CCDC136: variants seen among roughly 807,000 people sequenced by gnomAD.
CCDC136 encodes the protein coiled-coil domain-containing protein 136.
CCDC136 carries 100 observed loss-of-function variants against 141.2 expected under a neutral mutation model. The observed-to-expected ratio is 0.71, with a 90% CI of 0.60 to 0.84. The LOEUF (loss-of-function observed/expected upper bound fraction) is 0.84, where lower values mean the gene tolerates loss of function less well. CCDC136 is among the 40% of genes least tolerant of loss of function. The pLI is 0.00. For synonymous variants in CCDC136, 474 were observed against 531.9 expected, an observed-to-expected ratio of 0.89 and a Z score of 1.50; for missense variants, 1,206 against 1,379.4, an observed-to-expected ratio of 0.87 and a Z score of 1.99.
At chr7:128,796,722 A>AATATAT (rs149502865) in intron 3 of CCDC136, among the ~76,000 whole-genome samples, 12 of 120,724 alleles carry the variant, frequency 9.9e-5, no homozygotes, top group African/African-American at 4.3e-4. Flanking sequence ...GATGATTCAG[A>AATATAT]ATATATATAT....
chr7:128,794,133 A>G lies in CCDC136; in HGVS notation c.17-215A>G. 1 of 650,032 alleles carries G rather than the reference A, an allele frequency of 1.5e-6. No individual in the cohort carries two copies. 40.3% of individuals were successfully genotyped at this position (650,032 alleles called of 1,614,324 possible). A position where few individuals can be genotyped will look rare whatever the true frequency, so the allele number is the denominator to read the frequency against. On this transcript the variant is annotated intron_variant, in intron 1 of 17. Coordinates refer to ENST00000297788, the MANE Select transcript of CCDC136 (RefSeq NM_022742.5). The surrounding 1 kb of genome is among the most constrained non-coding windows in gnomAD (Gnocchi z 4.3). Reference sequence around the variant, plus strand: ...AGGCTACCAAGTGCAACATTGGTCCAGGAAGGGCCTGGGAGGTGGAGGGGC... The same window carrying G: ...AGGCTACCAAGTGCAACATTGGTCCGGGAAGGGCCTGGGAGGTGGAGGGGC...
chr7:128,806,206 A>G, intron 7 of CCDC136, 31 bp from the exon 8 acceptor site: 1 of 1,512,056 alleles, frequency 6.6e-7, no homozygotes, highest in Non-Finnish European at 8.9e-7. Context: ...TCTTGAGAGT[A>G]ACTGTTCTAC....
At chr7:128,816,617 C>A (rs1806678085) in intron 16 of CCDC136, among the ~76,000 whole-genome samples, 1 of 152,106 alleles carries the variant, frequency 6.6e-6, no homozygotes, top group African/African-American at 2.4e-5. Context: ...GATATATATG[C>A]CAGAATGCCA....
rs752305396 is a variant in CCDC136, at chr7:128,812,926, T to A, written c.2760T>A (p.Asn920Lys). Residue 920 changes from asparagine to lysine, a missense_variant, in exon 14 of 18, where the codon AAT (asparagine) becomes AAA (lysine). Physicochemically the swap from Asn to Lys is moderately conservative, Grantham distance 94. Transcript: ENST00000297788. Reference sequence around the variant, plus strand: ...CCATGGCCCCCCAGAACGACAAGAATGAGGTAACCACTGTCAGGGAGGCAG... The same window carrying A: ...CCATGGCCCCCCAGAACGACAAGAAAGAGGTAACCACTGTCAGGGAGGCAG... ...EKPMAPQNDK[N>K]EIKELQTKLR... The A allele has an allele frequency of 1.7e-5, 27 of 1,601,902 alleles. No individual in the cohort carries two copies. In the South Asian group the frequency reaches 3.0e-4, roughly 18 times the overall value.
At chr7:128,791,821 T>A, upstream of CCDC136, 1 of 386,326 alleles carries the variant, frequency 2.6e-6, no homozygotes, top group East Asian at 3.9e-5. This position sits in a 1 kb window ranked among gnomAD's most constrained non-coding sequence, Gnocchi z 7.1. Context: ...CCTTCGGGAC[T>A]GCAGACCCTA....
chr7:128,815,746 G>A lies in CCDC136; in HGVS notation c.3178G>A (p.Asp1060Asn), dbSNP rs1485520394. ...AGAGGAAGCAAAGGAGCAGTGTGGG[G>A]ATGAGCTAGTTGCTGAGCCAGCAGA... is the stretch of plus-strand genomic sequence containing the variant. The part of the protein sequence containing the change: ...VKEEAKEQCG[D>N]ELVAEPADPE... The change falls in exon 16 of 18, where the codon GAT becomes AAT. Residue 1060 changes from aspartate (D) to asparagine (N), a missense_variant. By Grantham distance (23) the Asp-to-Asn change is conservative. Coordinates refer to ENST00000297788, the MANE Select transcript of CCDC136 (RefSeq NM_022742.5). 3.2e-6 allele frequency: 5 copies of A among 1,563,468 alleles called. No individual in the cohort carries two copies. The highest frequency in any genetic ancestry group is 4.3e-6 in the Non-Finnish European group (5 of 1,154,148).
At chr7:128,791,657 T>C (rs1289634694), upstream of CCDC136, 5 of 740,756 alleles carry the variant, frequency 6.7e-6, no homozygotes, top group East Asian at 1.7e-4. This position sits in a 1 kb window ranked among gnomAD's most constrained non-coding sequence, Gnocchi z 7.1. Context: ...CTCCCCTTTC[T>C]CCGCCCAAAG....
At chr7:128,819,147 C>T (rs749657735) in intron 17 of CCDC136, among the ~76,000 whole-genome samples, 41 of 152,338 alleles carry the variant, frequency 2.7e-4, no homozygotes, top group Middle Eastern at 3.4e-3. Context: ...TAAGGCACTA[C>T]GGGTGAAACC....
intron 17 of CCDC136, among the ~76,000 whole-genome samples, chr7:128,820,513 C>T (rs968851651): frequency 1.1e-4 from 16 of 152,192 alleles, no homozygotes; most frequent in African/African-American, 3.9e-4. Context: ...CCTTTAAGAA[C>T]ACCAGACTAA....
At position 128,817,936 on chromosome 7, in the gene CCDC136, C is replaced by T. The variant is rs1439247776; in HGVS notation, c.*5+72C>T. Reference sequence around the variant, plus strand: ...AGGTTGCCCTGGCCTCTCCTCTTTCCCTTTTCTCCCAGCTGCTTGCTTCTT... The same window carrying T: ...AGGTTGCCCTGGCCTCTCCTCTTTCTCTTTTCTCCCAGCTGCTTGCTTCTT... On this transcript the variant is annotated intron_variant, in intron 17 of 17. Transcript: ENST00000297788. This position sits in a 1 kb window ranked among gnomAD's most constrained non-coding sequence, Gnocchi z 4.6. 1.8e-6 allele frequency: 2 copies of T among 1,093,636 alleles called. No individual in the cohort carries two copies. Among genetic ancestry groups the T allele is most frequent in the Non-Finnish European group, 2.8e-6 (2 of 723,836 alleles). 67.7% of individuals were successfully genotyped at this position (1,093,636 alleles called of 1,614,324 possible). A position where few individuals can be genotyped will look rare whatever the true frequency, so the allele number is the denominator to read the frequency against.
At chr7:128,808,748 T>C in intron 10 of CCDC136, 1 of 985,420 alleles carries the variant, frequency 1.0e-6, no homozygotes, top group Non-Finnish European at 1.2e-6. Flanking sequence ...CCACTGCTAC[T>C]CAATTTAGGA....
At chr7:128,809,756 A>C in intron 11 of CCDC136, 112 bp downstream of exon 11, 1 of 777,666 alleles carries the variant, frequency 1.3e-6, no homozygotes, top group Non-Finnish European at 2.0e-6. Context: ...CTTACCAACC[A>C]CTCCTTACTT....
chr7:128,805,801 A>G lies in CCDC136; in HGVS notation c.989A>G (p.His330Arg). The G allele has an allele frequency of 3.1e-6, 5 of 1,613,618 alleles. No homozygotes were observed. Among genetic ancestry groups the G allele is most frequent in the Non-Finnish European group, 4.2e-6 (5 of 1,179,740 alleles). Reference protein sequence around the residue: ...LCCELEELQHHRQVSEEEQRR... With the variant: ...LCCELEELQHRRQVSEEEQRR... ...TGTGAGTTGGAAGAGCTACAGCATC[A>G]TCGCCAGGTCAGTGAGGAGGAGCAG... The change falls in exon 7 of 18, where the codon CAT (histidine) becomes CGT (arginine). Residue 330 changes from histidine (H) to arginine (R), a missense_variant. His to Arg is a conservative substitution (Grantham distance 29). Transcript: ENST00000297788. The surrounding 1 kb of genome is among the most constrained non-coding windows in gnomAD (Gnocchi z 4.6).
In CCDC136 at chr7:128,805,365, G is replaced by A; in HGVS notation, c.789G>A (p.Gln263=). 6.2e-7 allele frequency: 1 copy of A among 1,613,764 alleles called. No individual in the cohort carries two copies. The highest frequency in any genetic ancestry group is 8.5e-7 in the Non-Finnish European group (1 of 1,179,816). ...QLADLESERT[Q]RATERWLQSQ... ...CTGCGGTTCTGAATTGCAGGACACA[G>A]AGAGCAACAGAGAGATGGCTGCAGT... is the stretch of plus-strand genomic sequence containing the variant. Residue 263 remains glutamine (Q), a synonymous_variant, in exon 6 of 18, where the codon CAG becomes CAA. Coordinates refer to ENST00000297788, the MANE Select transcript of CCDC136 (RefSeq NM_022742.5). This position sits in a 1 kb window ranked among gnomAD's most constrained non-coding sequence, Gnocchi z 4.6.
chr7:128,814,913 C>A lies in CCDC136; in HGVS notation c.3039C>A (p.Thr1013=). Residue 1013 remains threonine (T), a synonymous_variant, in exon 15 of 18, where the codon ACC becomes ACA. Transcript: ENST00000297788. ...ATACTTCTGAGAGCGACCTTGAGAC[C>A]AGAAAGGTGAGTAGTAACCTTGGTA... ...CSDTSESDLE[T]RKSLEVVLYY... is the part of the protein sequence containing the mutation. The A allele has an allele frequency of 1.3e-6, 2 of 1,587,412 alleles. No homozygotes were observed. The highest frequency in any genetic ancestry group is 1.2e-5 in the South Asian group (1 of 86,714).
At position 128,805,635 on chromosome 7, in the gene CCDC136, C is replaced by T. The variant is rs1159889102; in HGVS notation, c.948+111C>T. The T allele has an allele frequency of 6.6e-7, 1 of 1,523,100 alleles. No individual in the cohort carries two copies. The highest frequency in any genetic ancestry group is 9.0e-7 in the Non-Finnish European group (1 of 1,115,186). 94.3% of individuals were successfully genotyped at this position (1,523,100 alleles called of 1,614,324 possible). On this transcript the variant is annotated intron_variant, in intron 6 of 17. Transcript: ENST00000297788. This position sits in a 1 kb window ranked among gnomAD's most constrained non-coding sequence, Gnocchi z 4.6. Reference sequence around the variant, plus strand: ...GCATCCACTGTGGAGGGAGATAGTACTCTGGGGTCTCACTTGCCTGATGTA... The same window carrying T: ...GCATCCACTGTGGAGGGAGATAGTATTCTGGGGTCTCACTTGCCTGATGTA...
intron 8 of CCDC136, 125 bp downstream of exon 8, chr7:128,806,520 G>C: frequency 1.8e-6 from 2 of 1,093,882 alleles, no homozygotes; most frequent in Non-Finnish European, 2.6e-6. Context: ...AGCACCACAG[G>C]TAAAGAACTC....
intron 3 of CCDC136, among the ~76,000 whole-genome samples, chr7:128,796,739 A>ATATATATATATTTTTTTTTTTT: frequency 5.3e-5 from 6 of 113,382 alleles, no homozygotes; most frequent in Non-Finnish European, 1.0e-4. Flanking sequence ...ATATATATAT[A>ATATATATATATTTTTTTTTTTT]TTCTTTTTTT....
chr7:128,813,086 G>A (rs1341833390), intron 14 of CCDC136, among the ~76,000 whole-genome samples, 157 bp downstream of exon 14: 3 of 152,178 alleles, frequency 2.0e-5, no homozygotes, highest in Non-Finnish European at 4.4e-5. Context: ...TTTCCCAAGT[G>A]CCCGTGGAGC....
Sources: allele counts gnomAD v4.1 joint callset (sites outside exome capture counted in the v4.1 genomes callset), GRCh38; gene constraint gnomAD v4.1.1; non-coding constraint Gnocchi (gnomAD v3.1); transcripts MANE v1.5; gene names NCBI Gene and HGNC (gene_info 2026-07-23, HGNC 2026-07-21).